RBFOX1: variants seen among roughly 807,000 people sequenced by gnomAD.
RBFOX1 encodes the protein RNA binding protein fox-1 homolog 1.
RBFOX1 carries 8 observed loss-of-function variants against 57.7 expected under a neutral mutation model. That is an observed-to-expected ratio of 0.14 (90% CI 0.08 to 0.25). The LOEUF (loss-of-function observed/expected upper bound fraction) is 0.25, where lower values mean the gene tolerates loss of function less well. Ranked by LOEUF, RBFOX1 falls within the 10% of genes least tolerant of loss-of-function variation. The pLI is 1.00. For synonymous variants in RBFOX1, 326 were observed against 222.4 expected (o/e 1.47, Z -4.15); for missense variants, 611 against 548.5 (o/e 1.11, Z -1.14).
At chr16:6,846,490 G>C (rs1476756921) in intron 3 of RBFOX1, among the ~76,000 whole-genome samples, 3 of 152,154 alleles carry the variant, frequency 2.0e-5, no homozygotes, top group African/African-American at 7.2e-5. Context: ...AGAAAAATAA[G>C]ACCACAGCAA....
intron 2 of RBFOX1, among the ~76,000 whole-genome samples, chr16:6,460,457 C>CAAA (rs56761805): frequency 1.8e-4 from 27 of 147,976 alleles, no homozygotes; most frequent in African/African-American, 6.2e-4. Flanking sequence ...AGACACTTCT[C>CAAA]AAAAAAAAAA....
chr16:5,976,885 G>A (rs993651060), intron 4 of RBFOX1, among the ~76,000 whole-genome samples: 2 of 152,116 alleles, frequency 1.3e-5, no homozygotes, highest in African/African-American at 4.8e-5. Flanking sequence ...TATCAATAAG[G>A]TCTTGCTAAA....
intron 3 of RBFOX1, among the ~76,000 whole-genome samples, chr16:6,993,660 A>G (rs1481871129): frequency 1.3e-5 from 2 of 152,146 alleles, no homozygotes; most frequent in South Asian, 2.1e-4. Flanking sequence ...GATTTGCACT[A>G]TTTAGCATTT....
At chr16:6,125,866 G>C (rs113894070) in intron 1 of RBFOX1, among the ~76,000 whole-genome samples, 1 of 152,308 alleles carries the variant, frequency 6.6e-6, no homozygotes, top group African/African-American at 2.4e-5. Flanking sequence ...TACTGCCGGG[G>C]AGAGATTTTC....
chr16:7,129,107 C>T (rs115360639), intron 4 of RBFOX1, among the ~76,000 whole-genome samples: 4 of 152,024 alleles, frequency 2.6e-5, no homozygotes, highest in African/African-American at 4.8e-5. Flanking sequence ...GTGTGAGCCA[C>T]GGCACGCAGT....
intron 4 of RBFOX1, among the ~76,000 whole-genome samples, chr16:6,001,161 A>T (rs1417255399): frequency 6.6e-6 from 1 of 152,228 alleles, no homozygotes; most frequent in African/African-American, 2.4e-5. Flanking sequence ...GCTAGAGGCA[A>T]CAATATTTGA....
intron 4 of RBFOX1, among the ~76,000 whole-genome samples, chr16:5,916,129 G>T (rs12446506): frequency 0.076 from 11,610 of 152,142 alleles, 646 homozygotes; most frequent in African/African-American, 0.15. Flanking sequence ...AGACATTGGA[G>T]AGCCTGAAAC....
intron 4 of RBFOX1, among the ~76,000 whole-genome samples, chr16:7,154,499 C>G (rs1275370896): frequency 5.9e-5 from 9 of 152,184 alleles, no homozygotes; most frequent in African/African-American, 1.9e-4. Context: ...TGCTCAGTGA[C>G]AGGACCTTCC....
chr16:6,648,136 C>T (rs1345335811), intron 2 of RBFOX1, among the ~76,000 whole-genome samples: 1 of 151,348 alleles, frequency 6.6e-6, no homozygotes, highest in Non-Finnish European at 1.5e-5. Flanking sequence ...AGCCACTGCA[C>T]CCGGCTTCAA....
At chr16:5,764,237 C>T (rs1242702600) in intron 3 of RBFOX1, among the ~76,000 whole-genome samples, 1 of 152,154 alleles carries the variant, frequency 6.6e-6, no homozygotes, top group Non-Finnish European at 1.5e-5. Context: ...GTTAGATGGG[C>T]TGTTCTTAAG....
intron 1 of RBFOX1, among the ~76,000 whole-genome samples, chr16:6,262,249 T>G (rs2152638110): frequency 6.6e-6 from 1 of 152,180 alleles, no homozygotes; most frequent in East Asian, 1.9e-4. Flanking sequence ...ATCGGGAAAG[T>G]TAAGTCACAT....
At chr16:6,539,897 T>G (rs1179493840) in intron 2 of RBFOX1, among the ~76,000 whole-genome samples, 1 of 151,670 alleles carries the variant, frequency 6.6e-6, no homozygotes, top group East Asian at 2.0e-4. Flanking sequence ...GCATGAACTT[T>G]TAAACCTTCT....
At chr16:6,372,524 T>C (rs1274078875) in intron 2 of RBFOX1, among the ~76,000 whole-genome samples, 2 of 151,658 alleles carry the variant, frequency 1.3e-5, no homozygotes, top group Non-Finnish European at 2.9e-5. Context: ...GAAGGATAGC[T>C]GGTTAGGATC....
At chr16:5,492,855 C>T (rs1231360521) in intron 2 of RBFOX1, among the ~76,000 whole-genome samples, 2 of 152,192 alleles carry the variant, frequency 1.3e-5, no homozygotes, top group African/African-American at 4.8e-5. Flanking sequence ...CTTTTCTTAC[C>T]TTCTAAGAGT....
intron 2 of RBFOX1, among the ~76,000 whole-genome samples, chr16:5,562,667 G>T (rs1241449651): frequency 6.6e-6 from 1 of 152,054 alleles, no homozygotes; most frequent in Non-Finnish European, 1.5e-5. Context: ...CAAGAGAGCT[G>T]GTCCAGTAGG....
chr16:6,090,916 A>G (rs1166978006), intron 1 of RBFOX1, among the ~76,000 whole-genome samples: 1 of 152,220 alleles, frequency 6.6e-6, no homozygotes, highest in African/African-American at 2.4e-5. Context: ...CAAAACTTAA[A>G]AAAAGTATTG....
At chr16:5,406,870 C>CT in intron 1 of RBFOX1, among the ~76,000 whole-genome samples, 1 of 152,258 alleles carries the variant, frequency 6.6e-6, no homozygotes, top group Non-Finnish European at 1.5e-5. Flanking sequence ...GTGAAGAGTG[C>CT]TGTGCAGGTG....
intron 2 of RBFOX1, among the ~76,000 whole-genome samples, chr16:6,637,057 T>C (rs1602235805): frequency 1.0e-5 from 1 of 97,748 alleles, no homozygotes; most frequent in Non-Finnish European, 1.8e-5. Flanking sequence ...TAAACATATT[T>C]ATATGTATAA....
intron 1 of RBFOX1, among the ~76,000 whole-genome samples, chr16:6,028,479 C>G (rs543618914): frequency 8.1e-5 from 11 of 136,454 alleles, no homozygotes; most frequent in Middle Eastern, 4.2e-3. Flanking sequence ...GGAGACCAGC[C>G]TAGGCAACAT....
Sources: allele counts gnomAD v4.1 joint callset (sites outside exome capture counted in the v4.1 genomes callset), GRCh38; gene constraint gnomAD v4.1.1; transcripts MANE v1.5; gene names NCBI Gene and HGNC (gene_info 2026-07-23, HGNC 2026-07-21).